The following ADK variants were observed in gnomAD, a reference collection of about 807,000 sequenced individuals.
ADK encodes adenosine kinase.
In ADK, 24 loss-of-function variants were observed where a neutral mutation model predicts 44.7. The observed-to-expected ratio is 0.54, with a 90% CI of 0.39 to 0.76. The LOEUF (loss-of-function observed/expected upper bound fraction) is 0.76. Among genes scored for constraint, ADK ranks in the 30% least tolerant of loss-of-function variants. The probability of loss-of-function intolerance (pLI) is 0.00; values close to 1 mark genes in which losing one functional copy is unlikely to be tolerated. For missense variants in ADK, 321 were observed against 425.1 expected (o/e 0.76, Z 2.15); for synonymous variants, 128 against 142.6 (o/e 0.90, Z 0.73).
chr10:74,478,131 A>G (rs909114279), intron 6 of ADK, among the ~76,000 whole-genome samples: 1 of 152,014 alleles, frequency 6.6e-6, no homozygotes, highest in Non-Finnish European at 1.5e-5. Flanking sequence ...CTGATCTCCA[A>G]CTCCTGGCTT....
chr10:74,208,896 C>T (rs1283698620), intron 2 of ADK, among the ~76,000 whole-genome samples: 1 of 151,980 alleles, frequency 6.6e-6, no homozygotes, highest in Admixed American at 6.6e-5. Flanking sequence ...GCCACCATGC[C>T]CGGCTAATTT....
chr10:74,562,282 A>G (rs560490274), intron 7 of ADK, among the ~76,000 whole-genome samples: 1 of 152,310 alleles, frequency 6.6e-6, no homozygotes, highest in Non-Finnish European at 1.5e-5. Context: ...AAATAAGACC[A>G]CATGGCATTT....
chr10:74,247,498 A>G (rs1845469267), intron 3 of ADK, among the ~76,000 whole-genome samples: 1 of 151,820 alleles, frequency 6.6e-6, no homozygotes, highest in Non-Finnish European at 1.5e-5. Context: ...TGACCTCCCA[A>G]AATGTTGGGA....
At chr10:74,526,339 C>T (rs1849040740) in intron 7 of ADK, among the ~76,000 whole-genome samples, 1 of 151,970 alleles carries the variant, frequency 6.6e-6, no homozygotes, top group East Asian at 1.9e-4. Flanking sequence ...TGCTTATTTA[C>T]TTTGATTGCT....
intron 2 of ADK, among the ~76,000 whole-genome samples, chr10:74,202,363 T>C (rs1843427594): frequency 6.6e-6 from 1 of 152,202 alleles, no homozygotes; most frequent in Non-Finnish European, 1.5e-5. Flanking sequence ...CATTCATTGG[T>C]TGATGGACAC....
intron 10 of ADK, among the ~76,000 whole-genome samples, chr10:74,670,707 C>T (rs1855137082): frequency 6.6e-6 from 1 of 152,064 alleles, no homozygotes; most frequent in South Asian, 2.1e-4. Context: ...GTTTCAAACA[C>T]AATAGTGGTT....
chr10:74,371,926 AC>A, intron 4 of ADK: 1 of 1,403,900 alleles, frequency 7.1e-7, no homozygotes. Context: ...AGGGCTGACC[AC>A]CAGCCTCTCA....
At chr10:74,251,430 T>C (rs1384148298) in intron 3 of ADK, among the ~76,000 whole-genome samples, 2 of 152,210 alleles carry the variant, frequency 1.3e-5, no homozygotes, top group African/African-American at 4.8e-5. Context: ...TCACAAATTC[T>C]AAATTAGTAG....
chr10:74,356,253 C>T (rs1842145012), intron 4 of ADK, among the ~76,000 whole-genome samples: 1 of 151,578 alleles, frequency 6.6e-6, no homozygotes, highest in South Asian at 2.1e-4. Flanking sequence ...CTCCTGACCT[C>T]ATGATCCACC....
At chr10:74,674,369 C>A (rs751225545) in intron 10 of ADK, among the ~76,000 whole-genome samples, 10 of 152,300 alleles carry the variant, frequency 6.6e-5, no homozygotes, top group Admixed American at 1.3e-4. Context: ...CACAGTGGCT[C>A]ACACCTGAAA....
intron 6 of ADK, among the ~76,000 whole-genome samples, chr10:74,499,703 A>T (rs1847826390): frequency 6.6e-6 from 1 of 152,062 alleles, no homozygotes; most frequent in Admixed American, 6.5e-5. Flanking sequence ...AAAAAAAGTG[A>T]CATTTTTATC....
intron 4 of ADK, among the ~76,000 whole-genome samples, chr10:74,353,408 T>G (rs1842032422): frequency 6.6e-6 from 1 of 151,238 alleles, no homozygotes; most frequent in African/African-American, 2.4e-5. Context: ...GGCCAGCTGG[T>G]GGGTAGGGGT....
At chr10:74,703,353 G>A (rs1856500263) in intron 10 of ADK, among the ~76,000 whole-genome samples, 2 of 151,984 alleles carry the variant, frequency 1.3e-5, no homozygotes, top group Admixed American at 1.3e-4. Flanking sequence ...GTTGTGGTGT[G>A]CACCTGTGGT....
intron 6 of ADK, among the ~76,000 whole-genome samples, chr10:74,496,640 T>C (rs892710511): frequency 1.7e-4 from 26 of 152,344 alleles, no homozygotes; most frequent in African/African-American, 6.3e-4. Flanking sequence ...ACTATGTTTT[T>C]AATTTTTTTG....
chr10:74,650,278 G>T (rs933193353), intron 9 of ADK, among the ~76,000 whole-genome samples: 1 of 151,916 alleles, frequency 6.6e-6, no homozygotes, highest in African/African-American at 2.4e-5. Context: ...AAATTAGCCG[G>T]GTGTCATGGC....
intron 4 of ADK, among the ~76,000 whole-genome samples, chr10:74,359,194 A>G (rs1387592989): frequency 6.6e-6 from 1 of 152,192 alleles, no homozygotes; most frequent in Admixed American, 6.5e-5. Flanking sequence ...TTTATATGAC[A>G]GTACCATGCT....
intron 6 of ADK, among the ~76,000 whole-genome samples, chr10:74,441,339 C>T (rs1327703380): frequency 6.6e-6 from 1 of 152,100 alleles, no homozygotes; most frequent in Non-Finnish European, 1.5e-5. Flanking sequence ...ATTGGCAGTT[C>T]CTCAAAAGGC....
At chr10:74,430,336 A>G (rs1231898374) in intron 6 of ADK, among the ~76,000 whole-genome samples, 1 of 152,190 alleles carries the variant, frequency 6.6e-6, no homozygotes, top group South Asian at 2.1e-4. Flanking sequence ...TGTCACCACA[A>G]TGATCCTTCA....
At chr10:74,491,528 T>C (rs1348260141) in intron 6 of ADK, among the ~76,000 whole-genome samples, 7 of 152,198 alleles carry the variant, frequency 4.6e-5, no homozygotes, top group African/African-American at 1.7e-4. Flanking sequence ...ATCTAGTCTT[T>C]AAAGAAATTT....
Sources: allele counts gnomAD v4.1 joint callset (sites outside exome capture counted in the v4.1 genomes callset), GRCh38; gene constraint gnomAD v4.1.1; transcripts MANE v1.5; gene names NCBI Gene and HGNC (gene_info 2026-07-23, HGNC 2026-07-21).